ZFP41: variants seen among roughly 807,000 people sequenced by gnomAD.
ZFP41 encodes the protein zinc finger protein 41 homolog.
In ZFP41, 10 loss-of-function variants were observed where a neutral mutation model predicts 11.6. The observed-to-expected ratio is 0.86, with a 90% CI of 0.53 to 1.47. ZFP41 has a LOEUF of 1.47. Among genes scored for constraint, ZFP41 ranks in the 40% most tolerant of loss-of-function variants. The pLI is 0.00. For missense variants in ZFP41, 302 were observed against 264.6 expected, an observed-to-expected ratio of 1.14 and a Z score of -0.98; for synonymous variants, 123 against 100.9, an observed-to-expected ratio of 1.22 and a Z score of -1.31.
At chr8:143,247,685 G>T (rs1816719210) in intron 1 of ZFP41, 1 of 152,286 alleles carries the variant, frequency 6.6e-6, no homozygotes, top group South Asian at 2.1e-4. Context: ...AGTCTTTAGG[G>T]GTGTGGCAAG....
chr8:143,259,307 G>A (rs1456619416), intron 2 of ZFP41, among the ~76,000 whole-genome samples: 2 of 151,804 alleles, frequency 1.3e-5, no homozygotes. Flanking sequence ...GGTGGTTGGG[G>A]ACACATGTGG....
intron 2 of ZFP41, chr8:143,252,611 G>A (rs555051273): frequency 9.7e-5 from 96 of 984,834 alleles, no homozygotes; most frequent in South Asian, 3.8e-4. Context: ...CACGGCCTTC[G>A]TGGCTTCTCA....
intron 1 of ZFP41, chr8:143,247,633 C>A (rs1816718047): frequency 6.6e-6 from 1 of 152,222 alleles, no homozygotes; most frequent in Non-Finnish European, 1.5e-5. Flanking sequence ...CCCAGAGAGG[C>A]GACGGAGCTA....
In ZFP41 at chr8:143,250,347, G is replaced by A; in HGVS notation, c.504G>A (p.Glu168=). ...AACATCAGAAGACGCACACCGGGGA[G>A]AAGCCCTACGAATGCACGCACTGTG... The part of the protein sequence containing the change: ...LLKHQKTHTG[E]KPYECTHCGK... Residue 168 remains glutamate, a synonymous_variant, in exon 2 of 3, where the codon GAG becomes GAA. Coordinates refer to ENST00000330701, the MANE Select transcript of ZFP41 (RefSeq NM_173832.6). 6.2e-7 allele frequency: 1 copy of A among 1,614,042 alleles called. No homozygotes were observed.
At chr8:143,254,002 G>T (rs958539482) in intron 2 of ZFP41, among the ~76,000 whole-genome samples, 1 of 152,156 alleles carries the variant, frequency 6.6e-6, no homozygotes, top group East Asian at 1.9e-4. Flanking sequence ...GGTGGGGTTC[G>T]TGGTCCAGTG....
chr8:143,256,749 A>G (rs1409096120), intron 2 of ZFP41, among the ~76,000 whole-genome samples: 1 of 152,114 alleles, frequency 6.6e-6, no homozygotes, highest in African/African-American at 2.4e-5. Context: ...CCACTTGGAA[A>G]TTTTTTTTAA....
Position 143,250,420 on chromosome 8 carries a change from CA to C in ZFP41, c.578del (p.His193ProfsTer81). On this transcript the variant is annotated frameshift_variant, in exon 2 of 3. Transcript: ENST00000330701. LOFTEE classifies it high-confidence loss of function. ...CTGTCTCATCCGCCATCAGAAACGC[CA>C]CCCTCGGAAGAAGCCCTGAGCCGGG... ...SSCLIRHQKRHPRKKP is the reference protein window; with the variant it reads ...SSCLIRHQKRXPRKKP 6.2e-7 allele frequency: 1 copy of C among 1,611,340 alleles called. No individual in the cohort carries two copies. Among genetic ancestry groups the C allele is most frequent in the Non-Finnish European group, 8.5e-7 (1 of 1,178,266 alleles).
chr8:143,254,593 C>T (rs556436774), intron 2 of ZFP41, among the ~76,000 whole-genome samples: 2 of 149,142 alleles, frequency 1.3e-5, no homozygotes, highest in African/African-American at 2.5e-5. Flanking sequence ...ATAGTATGAT[C>T]GTTGCTTTTC....
chr8:143,251,703 C>T (rs116729240), intron 2 of ZFP41, among the ~76,000 whole-genome samples: 2 of 152,182 alleles, frequency 1.3e-5, no homozygotes, highest in Admixed American at 1.3e-4. Flanking sequence ...GGAGAGCAGT[C>T]CTGTCTGGGT....
Position 143,249,476 on chromosome 8 carries a change from C to T in ZFP41, c.-154-214C>T, listed in dbSNP as rs1023910613. ...GACATGGTGTGCAGACCCGGAACCC[C>T]GGCAGAGGAGCAAGGATTCCTTGGT... On this transcript the variant is annotated intron_variant, in intron 1 of 2. Coordinates refer to ENST00000330701, the MANE Select transcript of ZFP41 (RefSeq NM_173832.6). 3.7e-5 allele frequency: 7 copies of T among 190,866 alleles called. No individual in the cohort carries two copies. In the East Asian group the frequency reaches 6.2e-4, roughly 17 times the overall value. 11.8% of individuals were successfully genotyped at this position (190,866 alleles called of 1,614,324 possible). A position where few individuals can be genotyped will look rare whatever the true frequency, so the allele number is the denominator to read the frequency against.
At chr8:143,252,028 C>G (rs1023475999) in intron 2 of ZFP41, among the ~76,000 whole-genome samples, 1 of 152,306 alleles carries the variant, frequency 6.6e-6, no homozygotes, top group Non-Finnish European at 1.5e-5. Flanking sequence ...GGAGGCTGCT[C>G]GGCTCCCAGC....
rs1816757619 is a variant in ZFP41 at position 143,249,647 on chromosome 8, G to A, written c.-154-43G>A. On this transcript the variant is annotated intron_variant, in intron 1 of 2. Transcript: ENST00000330701. ...CACCTGAATCCCACATCCCCTGAAA[G>A]GCAAACCTTTAATCTGAGGTTCATG... 6 of 871,834 alleles carry A rather than the reference G, an allele frequency of 6.9e-6. No homozygotes were observed. The South Asian group carries it at 7.3e-5, about 11-fold the overall frequency. 54.0% of individuals were successfully genotyped at this position (871,834 alleles called of 1,614,324 possible).
Position 143,260,149 on chromosome 8 carries a change from A to AGCACCCTGTGAAATCGTGCAGGGAC in ZFP41, c.*1287_*1288insATCGTGCAGGGACGCACCCTGTGAA, listed in dbSNP as rs1361973189. On this transcript the variant is annotated 3_prime_UTR_variant, in exon 3 of 3. Coordinates refer to ENST00000330701, the MANE Select transcript of ZFP41 (RefSeq NM_173832.6). ...AGCACCCTCTGAAATCGTGCAGGGA[A>AGCACCCTGTGAAATCGTGCAGGGAC]GCACCCTGTGAAGTCGTGCAGGGAA... The AGCACCCTGTGAAATCGTGCAGGGAC allele has an allele frequency of 1.3e-5, 2 of 151,832 alleles. No homozygotes were observed. Among genetic ancestry groups the AGCACCCTGTGAAATCGTGCAGGGAC allele is most frequent in the African/African-American group, 4.9e-5 (2 of 41,076 alleles). 9.4% of individuals were successfully genotyped at this position (151,832 alleles called of 1,614,324 possible).
In ZFP41 at chr8:143,250,072, G is replaced by A. The variant is rs143719699; in HGVS notation, c.229G>A (p.Val77Met). The A allele has an allele frequency of 2.3e-4, 365 of 1,614,188 alleles. 1 individual carries two copies. In the African/African-American group the frequency reaches 3.5e-3, roughly 16 times the overall value. ...TAAAGATGACTTTGAGGGGGTTCCC[G>A]TGTTCATTCCTTTTCAGAGGAAGAA... is the stretch of plus-strand genomic sequence containing the variant. ...SFKDDFEGVP[V>M]FIPFQRKKPY... Residue 77 changes from valine to methionine, a missense_variant, in exon 2 of 3, where the codon GTG (valine) becomes ATG (methionine). Physicochemically the swap from Val to Met is conservative, Grantham distance 21. Coordinates refer to ENST00000330701, the MANE Select transcript of ZFP41 (RefSeq NM_173832.6).
intron 2 of ZFP41, among the ~76,000 whole-genome samples, chr8:143,254,630 CTTTT>C (rs56112135): frequency 1.7e-5 from 2 of 115,006 alleles, no homozygotes; most frequent in African/African-American, 6.2e-5. Context: ...GGGAGCGTTA[CTTTT>C]TTTTTTTTTT....
At chr8:143,252,418 T>C (rs1371314846) in intron 2 of ZFP41, among the ~76,000 whole-genome samples, 1 of 152,232 alleles carries the variant, frequency 6.6e-6, no homozygotes, top group African/African-American at 2.4e-5. Flanking sequence ...CTGCGGGCCC[T>C]GCCTTTGTTT....
chr8:143,259,569 C>T lies in ZFP41; in HGVS notation c.*901-206C>T, dbSNP rs113920522. Among the ~76,000 whole-genome samples the T allele has an allele frequency of 8.6e-4, 131 of 152,278 alleles. 1 individual carries two copies. The highest frequency in any genetic ancestry group is 2.8e-3 in the African/African-American group (118 of 41,532). ...TGGTGCCATCCAGCCCTGGGGTGCA[C>T]GGGTTAACGCCCACTTCCACGCCCC... On this transcript the variant is annotated intron_variant, in intron 2 of 2. Coordinates refer to ENST00000330701, the MANE Select transcript of ZFP41 (RefSeq NM_173832.6).
chr8:143,258,980 G>C lies in ZFP41; in HGVS notation c.*901-795G>C, dbSNP rs1045478533. On this transcript the variant is annotated intron_variant, in intron 2 of 2. Coordinates refer to ENST00000330701, the MANE Select transcript of ZFP41 (RefSeq NM_173832.6). ...TTTTCTGGCAAAGGCGAAGATGTGC[G>C]TTCCTGCTGACCCAGGAGCCGCCTG... Among the ~76,000 whole-genome samples the C allele has an allele frequency of 2.6e-5, 4 of 152,336 alleles. 1 individual carries two copies. The South Asian group carries it at 8.3e-4, about 32-fold the overall frequency.
intron 2 of ZFP41, among the ~76,000 whole-genome samples, chr8:143,257,017 C>T (rs1189607544): frequency 6.6e-6 from 1 of 152,180 alleles, no homozygotes; most frequent in Non-Finnish European, 1.5e-5. Flanking sequence ...CCTACATGAC[C>T]CAGGTGAAAG....
Sources: allele counts gnomAD v4.1 joint callset (sites outside exome capture counted in the v4.1 genomes callset), GRCh38; gene constraint gnomAD v4.1.1; transcripts MANE v1.5; gene names NCBI Gene and HGNC (gene_info 2026-07-23, HGNC 2026-07-21).